Variants in CDH13 observed in about 807,000 individuals in gnomAD.
CDH13 encodes the protein cadherin 13.
A neutral mutation model predicts 63.8 loss-of-function variants in CDH13; 24 were observed. That is an observed-to-expected ratio of 0.38 (90% confidence interval 0.27 to 0.53). The LOEUF (loss-of-function observed/expected upper bound fraction) is 0.53. Ranked by LOEUF, CDH13 falls within the 20% of genes least tolerant of loss-of-function variation. CDH13 has a pLI of 0.85. For synonymous variants in CDH13, 503 were observed against 355.3 expected, an observed-to-expected ratio of 1.42 and a Z score of -4.67; for missense variants, 1,049 against 903.1, an observed-to-expected ratio of 1.16 and a Z score of -2.07.
intron 2 of CDH13, among the ~76,000 whole-genome samples, chr16:83,024,068 T>A (rs989107211): frequency 1.3e-5 from 2 of 152,194 alleles, no homozygotes; most frequent in Admixed American, 6.5e-5. Flanking sequence ...TTGGATATCA[T>A]AGCCTTCCTG....
At chr16:83,129,805 C>A (rs577717588) in intron 4 of CDH13, among the ~76,000 whole-genome samples, 10 of 152,342 alleles carry the variant, frequency 6.6e-5, no homozygotes, top group African/African-American at 2.2e-4. Flanking sequence ...AAAGCTGACA[C>A]ATAGAGGATG....
At chr16:83,704,686 C>T (rs989768409) in intron 10 of CDH13, among the ~76,000 whole-genome samples, 28 of 152,192 alleles carry the variant, frequency 1.8e-4, no homozygotes, top group African/African-American at 6.5e-4. Context: ...TGAATTTAAG[C>T]TCTGATAGAA....
intron 7 of CDH13, among the ~76,000 whole-genome samples, chr16:83,501,420 C>T (rs2074281047): frequency 6.6e-6 from 1 of 150,990 alleles, no homozygotes; most frequent in South Asian, 2.1e-4. Flanking sequence ...TTTCTGTCTC[C>T]TTGGGCTCTA....
intron 2 of CDH13, among the ~76,000 whole-genome samples, chr16:82,999,221 C>T (rs7499717): frequency 0.17 from 25,166 of 152,028 alleles, 2,540 homozygotes; most frequent in African/African-American, 0.27. Flanking sequence ...TGTAGATACT[C>T]CTTAATGTTA....
chr16:82,837,679 C>G (rs1296886174), intron 1 of CDH13, among the ~76,000 whole-genome samples: 2 of 152,200 alleles, frequency 1.3e-5, no homozygotes, highest in Non-Finnish European at 2.9e-5. Flanking sequence ...GAAATGGTTT[C>G]TACGAGGGAA....
At chr16:82,985,440 G>A (rs1910813581) in intron 2 of CDH13, among the ~76,000 whole-genome samples, 1 of 152,172 alleles carries the variant, frequency 6.6e-6, no homozygotes, top group Non-Finnish European at 1.5e-5. Context: ...TGGTTTCAGT[G>A]AAGGTAATAA....
chr16:83,586,508 G>A (rs1395193651), intron 7 of CDH13, among the ~76,000 whole-genome samples: 2 of 152,220 alleles, frequency 1.3e-5, no homozygotes, highest in Admixed American at 6.5e-5. Flanking sequence ...CTGGGAGTCT[G>A]AGCCGAGAAG....
intron 1 of CDH13, among the ~76,000 whole-genome samples, chr16:82,693,188 C>A (rs570950703): frequency 6.6e-6 from 1 of 152,122 alleles, no homozygotes; most frequent in Non-Finnish European, 1.5e-5. Flanking sequence ...CCTGGATGAT[C>A]CTTTGAAGCC....
chr16:82,966,051 G>T (rs912382271), intron 2 of CDH13, among the ~76,000 whole-genome samples: 3 of 152,202 alleles, frequency 2.0e-5, no homozygotes, highest in African/African-American at 7.2e-5. Flanking sequence ...TGGCAGGCAG[G>T]CTCAGGCATT....
chr16:83,605,059 A>G (rs1160573736), intron 8 of CDH13, among the ~76,000 whole-genome samples: 1 of 152,256 alleles, frequency 6.6e-6, no homozygotes, highest in South Asian at 2.1e-4. Flanking sequence ...TTATCTGTCA[A>G]TCTTAAAAAA....
chr16:83,711,241 C>G (rs1283922421), intron 10 of CDH13, among the ~76,000 whole-genome samples: 2 of 152,152 alleles, frequency 1.3e-5, no homozygotes, highest in Admixed American at 6.5e-5. Flanking sequence ...CAAGGATGCC[C>G]CATAATTAAT....
At chr16:82,937,036 C>G (rs1277798475) in intron 2 of CDH13, among the ~76,000 whole-genome samples, 2 of 152,126 alleles carry the variant, frequency 1.3e-5, no homozygotes, top group African/African-American at 4.8e-5. Flanking sequence ...AGGTTCTTGT[C>G]AAGACCTCAT....
chr16:83,665,585 T>C (rs1343620943), intron 8 of CDH13, among the ~76,000 whole-genome samples: 1 of 152,232 alleles, frequency 6.6e-6, no homozygotes, highest in East Asian at 1.9e-4. Flanking sequence ...TATAATTTTT[T>C]TAAGCTAAGG....
rs558377601 is a variant in CDH13, at chr16:83,549,668, C to CA, written c.961-52778dup. ...AAAAAAAAAAAAAAGCAAAAACAAA[C>CA]AAAAAAAATCTGCTCAGCATGAGAA... On this transcript the variant is annotated intron_variant, in intron 7 of 13. Coordinates refer to ENST00000567109, the MANE Select transcript of CDH13 (RefSeq NM_001257.5). Among the ~76,000 whole-genome samples, 56 of 147,040 alleles carry CA rather than the reference C, an allele frequency of 3.8e-4. 1 individual carries two copies. The highest frequency in any genetic ancestry group is 1.2e-3 in the African/African-American group (50 of 40,204).
intron 5 of CDH13, among the ~76,000 whole-genome samples, chr16:83,229,809 C>T (rs1351243515): frequency 6.6e-6 from 1 of 152,126 alleles, no homozygotes; most frequent in Admixed American, 6.6e-5. Flanking sequence ...CTCAGGAATC[C>T]TCGTTCCTGT....
chr16:83,664,092 G>A (rs555509256), intron 8 of CDH13, among the ~76,000 whole-genome samples: 1 of 152,202 alleles, frequency 6.6e-6, no homozygotes, highest in East Asian at 1.9e-4. Context: ...AAGAAGTCAA[G>A]GCTGCAGTGA....
At chr16:82,677,118 A>G (rs1240719810) in intron 1 of CDH13, among the ~76,000 whole-genome samples, 1 of 152,208 alleles carries the variant, frequency 6.6e-6, no homozygotes, top group Non-Finnish European at 1.5e-5. Context: ...TCTTGACCTC[A>G]TGATCCACCC....
At chr16:83,424,504 AT>A (rs1336085853) in intron 6 of CDH13, among the ~76,000 whole-genome samples, 6 of 152,068 alleles carry the variant, frequency 3.9e-5, no homozygotes, top group South Asian at 2.1e-4. Flanking sequence ...TCTCTTGATT[AT>A]TTTTTTTAAG....
intron 5 of CDH13, among the ~76,000 whole-genome samples, chr16:83,305,297 T>C (rs2089848752): frequency 6.6e-6 from 1 of 152,198 alleles, no homozygotes; most frequent in Non-Finnish European, 1.5e-5. Context: ...GTGAGGAAAT[T>C]CCTTAACATA....
Sources: allele counts gnomAD v4.1 joint callset (sites outside exome capture counted in the v4.1 genomes callset), GRCh38; gene constraint gnomAD v4.1.1; transcripts MANE v1.5; gene names NCBI Gene and HGNC (gene_info 2026-07-23, HGNC 2026-07-21).